The following TSHZ1 variants were observed in gnomAD, a reference collection of about 807,000 sequenced individuals.
The protein encoded by TSHZ1 is teashirt homolog 1.
In TSHZ1, 12 loss-of-function variants were observed where a neutral mutation model predicts 67.1. The observed-to-expected ratio is 0.18, with a 90% CI of 0.11 to 0.29. The LOEUF is 0.29. TSHZ1 is among the 10% of genes least tolerant of loss of function. The pLI, the probability that TSHZ1 is intolerant of heterozygous loss-of-function variation, is 1.00. For synonymous variants in TSHZ1, 632 were observed against 622.4 expected (o/e 1.02, Z -0.23); for missense variants, 1,305 against 1,413.9 (o/e 0.92, Z 1.23).
chr18:75,242,830 T>A (rs2023173325), intron 1 of TSHZ1, among the ~76,000 whole-genome samples: 1 of 152,246 alleles, frequency 6.6e-6, no homozygotes, highest in Non-Finnish European at 1.5e-5. Flanking sequence ...TAGCTTATAC[T>A]TATTCGTTTG....
At chr18:75,232,299 C>T (rs775375332) in intron 1 of TSHZ1, among the ~76,000 whole-genome samples, 18 of 152,070 alleles carry the variant, frequency 1.2e-4, no homozygotes, top group Non-Finnish European at 2.2e-4. Context: ...AGTTTTAATG[C>T]GTCTACACAG....
intron 1 of TSHZ1, chr18:75,245,538 G>A (rs1487307160): frequency 1.3e-5 from 2 of 152,196 alleles, no homozygotes; most frequent in Non-Finnish European, 2.9e-5. Flanking sequence ...CCAGGTGCCC[G>A]CTGCACCAGA....
In TSHZ1 at chr18:75,287,057, C is replaced by T; in HGVS notation, c.1650C>T (p.Asp550=). The T allele has an allele frequency of 1.9e-6, 3 of 1,614,068 alleles. No homozygotes were observed. Among genetic ancestry groups the T allele is most frequent in the Non-Finnish European group, 2.5e-6 (3 of 1,180,018 alleles). The change falls in exon 2 of 2, where the codon GAC becomes GAT. Residue 550 remains aspartate (D), a synonymous_variant. Coordinates refer to ENST00000580243, the MANE Select transcript of TSHZ1 (RefSeq NM_001308210.2). This position sits in a 1 kb window ranked among gnomAD's most constrained non-coding sequence, Gnocchi z 5.0. ...ACGACAGCCCCAAGGGAGGGCTGGACATTCTCAAGTCCCTGGAGAATACCG... is the reference window on the plus strand; with the variant it reads ...ACGACAGCCCCAAGGGAGGGCTGGATATTCTCAAGTCCCTGGAGAATACCG... ...DLDDSPKGGL[D]ILKSLENTVS...
At position 75,228,672 on chromosome 18, in the gene TSHZ1, G is replaced by A. The variant is rs139057443; in HGVS notation, c.40+16756G>A. Among the ~76,000 whole-genome samples, 186 of 152,322 alleles carry A rather than the reference G, an allele frequency of 1.2e-3. 1 individual carries two copies. The highest frequency in any genetic ancestry group is 3.1e-3 in the African/African-American group (129 of 41,562). ...GTCTTTTTCATTTTGCTTCAGGATG[G>A]CAGCGCTATTGACATTTGCTCAGTA... On this transcript the variant is annotated intron_variant, in intron 1 of 1. Coordinates refer to ENST00000580243, the MANE Select transcript of TSHZ1 (RefSeq NM_001308210.2).
chr18:75,239,078 G>A (rs1020742536), intron 1 of TSHZ1, among the ~76,000 whole-genome samples: 9 of 152,236 alleles, frequency 5.9e-5, no homozygotes, highest in African/African-American at 9.6e-5. Context: ...GGTGGCCGCG[G>A]TGTAAACTTC....
chr18:75,274,092 G>A (rs989722985), intron 1 of TSHZ1, among the ~76,000 whole-genome samples: 1 of 152,108 alleles, frequency 6.6e-6, no homozygotes, highest in African/African-American at 2.4e-5. Context: ...GTGTCCCCCC[G>A]ATGGCAGGAC....
intron 1 of TSHZ1, among the ~76,000 whole-genome samples, chr18:75,230,936 A>G (rs919942261): frequency 6.6e-6 from 1 of 152,246 alleles, no homozygotes; most frequent in Non-Finnish European, 1.5e-5. Flanking sequence ...GAGGTGAACC[A>G]CTTGATTTAT....
chr18:75,282,608 T>G (rs1365426040), intron 1 of TSHZ1, among the ~76,000 whole-genome samples: 2 of 152,164 alleles, frequency 1.3e-5, no homozygotes, highest in African/African-American at 4.8e-5. Flanking sequence ...AAGAGCTCTC[T>G]CTTTCCACCT....
intron 1 of TSHZ1, among the ~76,000 whole-genome samples, chr18:75,266,229 G>A (rs938963004): frequency 2.6e-5 from 4 of 152,188 alleles, no homozygotes; most frequent in African/African-American, 7.2e-5. Flanking sequence ...CTTAGCTGTC[G>A]AAGTCAACTC....
At position 75,288,675 on chromosome 18, in the gene TSHZ1, A is replaced by G. The variant is rs773120276; in HGVS notation, c.*34A>G. 1.3e-6 allele frequency: 2 copies of G among 1,537,480 alleles called. No homozygotes were observed. Among genetic ancestry groups the G allele is most frequent in the South Asian group, 1.3e-5 (1 of 77,414 alleles). On this transcript the variant is annotated 3_prime_UTR_variant, in exon 2 of 2. Transcript: ENST00000580243. This position sits in a 1 kb window ranked among gnomAD's most constrained non-coding sequence, Gnocchi z 4.9. ...TATGCAAGAGACCGCGGAACATTGCACTAAACGTCGTCGAGCTGCACTAGG... is the reference window on the plus strand; with the variant it reads ...TATGCAAGAGACCGCGGAACATTGCGCTAAACGTCGTCGAGCTGCACTAGG...
intron 1 of TSHZ1, among the ~76,000 whole-genome samples, chr18:75,256,706 T>C (rs180887901): frequency 1.1e-3 from 173 of 152,330 alleles, no homozygotes; most frequent in Non-Finnish European, 2.0e-3. Context: ...AATTGTTGTT[T>C]CTGTTTGAAA....
At chr18:75,237,008 G>A (rs2023080966) in intron 1 of TSHZ1, among the ~76,000 whole-genome samples, 1 of 152,136 alleles carries the variant, frequency 6.6e-6, no homozygotes, top group Non-Finnish European at 1.5e-5. Context: ...GTTGTGGCGG[G>A]GAATAGCAGT....
intron 1 of TSHZ1, among the ~76,000 whole-genome samples, chr18:75,263,999 C>T (rs917868660): frequency 1.2e-4 from 18 of 152,298 alleles, no homozygotes; most frequent in African/African-American, 4.3e-4. Context: ...CAATTCCACC[C>T]ATTTCAAGGA....
chr18:75,213,627 T>A (rs1396226782), intron 1 of TSHZ1, among the ~76,000 whole-genome samples: 1 of 152,098 alleles, frequency 6.6e-6, no homozygotes, highest in Non-Finnish European at 1.5e-5. Flanking sequence ...TACCACATTT[T>A]TTTTTTTTTT....
intron 1 of TSHZ1, among the ~76,000 whole-genome samples, chr18:75,218,786 G>A (rs2022806455): frequency 6.6e-6 from 1 of 152,266 alleles, no homozygotes; most frequent in African/African-American, 2.4e-5. Context: ...AATGGACAAA[G>A]AACAGCAAGT....
chr18:75,250,102 TG>T (rs2122565350), intron 1 of TSHZ1, among the ~76,000 whole-genome samples: 2 of 144,376 alleles, frequency 1.4e-5, no homozygotes. Context: ...CTGCAGTTGG[TG>T]GGGGACGCAT....
At chr18:75,225,906 C>G (rs1415706349) in intron 1 of TSHZ1, among the ~76,000 whole-genome samples, 1 of 151,962 alleles carries the variant, frequency 6.6e-6, no homozygotes, top group Non-Finnish European at 1.5e-5. Flanking sequence ...GCACTTTGCC[C>G]TGTTTTTGTG....
At chr18:75,273,905 A>G (rs1806020085) in intron 1 of TSHZ1, among the ~76,000 whole-genome samples, 1 of 152,112 alleles carries the variant, frequency 6.6e-6, no homozygotes, top group African/African-American at 2.4e-5. Flanking sequence ...TTTTATTCAC[A>G]CCCATGCACA....
chr18:75,242,668 T>TATC lies in TSHZ1; in HGVS notation c.40+30754_40+30756dup, dbSNP rs767705138. Reference sequence around the variant, plus strand: ...TAGGGTCCAGCTTTTGTAGAATAAATATCAGCAGAGCTGTCGTTATTAGAT... The same window carrying TATC: ...TAGGGTCCAGCTTTTGTAGAATAAATATCATCAGCAGAGCTGTCGTTATTAGAT... On this transcript the variant is annotated intron_variant, in intron 1 of 1. Coordinates refer to ENST00000580243, the MANE Select transcript of TSHZ1 (RefSeq NM_001308210.2). 3.4e-3 allele frequency among the ~76,000 whole-genome samples: 517 copies of TATC among 152,346 alleles called. 4 individuals are homozygous for TATC. The highest frequency in any genetic ancestry group is 6.2e-3 in the Non-Finnish European group (423 of 68,034).
Sources: allele counts gnomAD v4.1 joint callset (sites outside exome capture counted in the v4.1 genomes callset), GRCh38; gene constraint gnomAD v4.1.1; non-coding constraint Gnocchi (gnomAD v3.1); transcripts MANE v1.5; gene names NCBI Gene and HGNC (gene_info 2026-07-23, HGNC 2026-07-21).